ASAP1: variants seen among roughly 807,000 people sequenced by gnomAD.
The protein encoded by ASAP1 is arf-GAP with SH3 domain, ANK repeat and PH domain-containing protein 1.
In ASAP1, 43 loss-of-function variants were observed where a neutral mutation model predicts 145.2. The observed-to-expected ratio is 0.30, with a 90% CI of 0.23 to 0.38. The LOEUF is 0.38. Ranked by LOEUF, ASAP1 falls within the 10% of genes least tolerant of loss-of-function variation. The probability of loss-of-function intolerance (pLI) is 1.00; values close to 1 mark genes in which losing one functional copy is unlikely to be tolerated. For missense variants in ASAP1, 1,018 were observed against 1,355.3 expected, an observed-to-expected ratio of 0.75 and a Z score of 3.91; for synonymous variants, 546 against 515.5, an observed-to-expected ratio of 1.06 and a Z score of -0.80.
chr8:130,339,746 G>A (rs1047608206), intron 3 of ASAP1, among the ~76,000 whole-genome samples: 3 of 152,230 alleles, frequency 2.0e-5, no homozygotes, highest in Admixed American at 6.5e-5. Flanking sequence ...GGCAGTGGCT[G>A]TAAACTCAGG....
At chr8:130,085,752 A>AAAAAAAGG (rs1198550137) in intron 25 of ASAP1, among the ~76,000 whole-genome samples, 1 of 151,712 alleles carries the variant, frequency 6.6e-6, no homozygotes, top group African/African-American at 2.4e-5. Context: ...AAAAAAAAAA[A>AAAAAAAGG]AAAGGAAAGA....
rs71302392 is a variant in ASAP1, at chr8:130,095,294, AT to A, written c.2402-3152del. Among the ~76,000 whole-genome samples the A allele has an allele frequency of 9.7e-3, 923 of 95,644 alleles. 8 individuals carry two copies. Among genetic ancestry groups the A allele is most frequent in the African/African-American group, 0.026 (607 of 23,224 alleles). The allele number at this position is 95,644 out of a possible 152,430, so 62.7% of individuals were successfully genotyped here. ...CTACTTCTATCTTTTTAGGCCAGTG[AT>A]TTTTTTTTTTTTTTTTTTTTTTTGA... On this transcript the variant is annotated intron_variant, in intron 24 of 29. Transcript: ENST00000518721.
intron 1 of ASAP1, among the ~76,000 whole-genome samples, chr8:130,404,837 C>T (rs1454353956): frequency 6.6e-6 from 1 of 152,094 alleles, no homozygotes; most frequent in African/African-American, 2.4e-5. Flanking sequence ...TGTGCTGTTC[C>T]CAAGTCTATT....
intron 23 of ASAP1, 154 bp from the exon 24 acceptor site, chr8:130,112,476 C>T (rs759029898): frequency 4.9e-6 from 3 of 610,752 alleles, no homozygotes; most frequent in East Asian, 2.8e-5. Context: ...GATGCTGACA[C>T]AGTACAAGGG....
At chr8:130,084,629 G>A (rs2097488809) in intron 25 of ASAP1, 1 of 152,154 alleles carries the variant, frequency 6.6e-6, no homozygotes, top group Non-Finnish European at 1.5e-5. Context: ...TACAGGCCTT[G>A]GAGTTGGAAA....
chr8:130,275,366 A>G (rs541544441), intron 3 of ASAP1, among the ~76,000 whole-genome samples: 1 of 152,358 alleles, frequency 6.6e-6, no homozygotes, highest in Admixed American at 6.5e-5. Context: ...GATTCCTGGA[A>G]GGCAGTAATA....
chr8:130,087,180 C>T (rs1046770287), intron 25 of ASAP1, among the ~76,000 whole-genome samples: 3 of 152,116 alleles, frequency 2.0e-5, no homozygotes, highest in Non-Finnish European at 4.4e-5. Flanking sequence ...GCCCCTGAGA[C>T]CAGAAACACA....
chr8:130,054,944 A>G, intron 29 of ASAP1, 139 bp from the exon 30 acceptor site: 1 of 691,742 alleles, frequency 1.4e-6, no homozygotes, highest in South Asian at 1.5e-5. Flanking sequence ...CCCACCCTTT[A>G]GTGAACTACA....
At chr8:130,070,358 T>C (rs757176003) in intron 27 of ASAP1, among the ~76,000 whole-genome samples, 3 of 152,194 alleles carry the variant, frequency 2.0e-5, no homozygotes, top group African/African-American at 4.8e-5. Flanking sequence ...TTTTATTTGA[T>C]TGTATCATGG....
intron 1 of ASAP1, among the ~76,000 whole-genome samples, chr8:130,431,847 C>T (rs745562483): frequency 8.8e-6 from 1 of 113,000 alleles, no homozygotes; most frequent in Admixed American, 1.2e-4. Flanking sequence ...AGGAAGAAGA[C>T]GAGGAAAGGA....
chr8:130,265,407 C>T (rs1456391469), intron 3 of ASAP1, among the ~76,000 whole-genome samples: 3 of 151,092 alleles, frequency 2.0e-5, no homozygotes, highest in African/African-American at 4.9e-5. Flanking sequence ...CTCATCTCAA[C>T]TAAAATTTTT....
rs56996962 is a variant in ASAP1 at position 130,121,784 on chromosome 8, C to CAAAAAAAAAAAAAAA, written c.1607+2214_1607+2228dup. Among the ~76,000 whole-genome samples, 8 of 25,410 alleles carry CAAAAAAAAAAAAAAA rather than the reference C, an allele frequency of 3.1e-4. 2 individuals carry two copies. The highest frequency in any genetic ancestry group is 3.5e-4 in the African/African-American group (4 of 11,412). 16.7% of individuals were successfully genotyped at this position (25,410 alleles called of 152,430 possible). On this transcript the variant is annotated intron_variant, in intron 18 of 29. Coordinates refer to ENST00000518721, the MANE Select transcript of ASAP1 (RefSeq NM_018482.4). ...AGGCTATGAGAGTGAAATTCCATCT[C>CAAAAAAAAAAAAAAA]AAAAAAAAAAAAAAAAAAAAAAAAA...
intron 3 of ASAP1, among the ~76,000 whole-genome samples, chr8:130,286,688 T>C (rs1354643347): frequency 2.6e-5 from 4 of 152,150 alleles, no homozygotes; most frequent in Non-Finnish European, 5.9e-5. Flanking sequence ...CATCATCATC[T>C]TCATGCTCAT....
chr8:130,358,789 C>T lies in ASAP1; in HGVS notation c.60-646G>A, dbSNP rs906943852. ...CTCGCGCACAGCCCCTGGGGCCTGG[C>T]TCCGAAGCTGCCGCTCCCGACCCCG... On this transcript the variant is annotated intron_variant, in intron 2 of 29. Coordinates refer to ENST00000518721, the MANE Select transcript of ASAP1 (RefSeq NM_018482.4). The surrounding 1 kb of genome is among the most constrained non-coding windows in gnomAD (Gnocchi z 4.1). Among the ~76,000 whole-genome samples, 14 of 147,760 alleles carry T rather than the reference C, an allele frequency of 9.5e-5. No individual in the cohort carries two copies. Among genetic ancestry groups the T allele is most frequent in the Admixed American group, 6.7e-4 (10 of 14,910 alleles).
At chr8:130,228,519 G>A (rs1413290284) in intron 4 of ASAP1, among the ~76,000 whole-genome samples, 8 of 151,750 alleles carry the variant, frequency 5.3e-5, no homozygotes, top group East Asian at 1.9e-4. Context: ...TGGGAAACAC[G>A]GCAAAACCAC....
chr8:130,360,626 T>C (rs1339658410), intron 2 of ASAP1: 3 of 152,212 alleles, frequency 2.0e-5, no homozygotes, highest in Admixed American at 1.3e-4. Context: ...CAAAGGGAAG[T>C]TGAGAAGTCA....
chr8:130,407,579 G>A lies in ASAP1; in HGVS notation c.-27-5609C>T, dbSNP rs553472984. 3.9e-5 allele frequency among the ~76,000 whole-genome samples: 6 copies of A among 152,288 alleles called. No homozygotes were observed. In the East Asian group the frequency reaches 7.7e-4, roughly 20 times the overall value. On this transcript the variant is annotated intron_variant, in intron 1 of 29. Transcript: ENST00000518721. ...CCTCTCATTTCCCGCTGCCACCAGC[G>A]ACAGAAAGATTTAAAGCACCTGCCT...
chr8:130,064,428 T>C (rs2097425920), intron 27 of ASAP1, among the ~76,000 whole-genome samples: 1 of 152,134 alleles, frequency 6.6e-6, no homozygotes, highest in African/African-American at 2.4e-5. Flanking sequence ...ACACTGCCTT[T>C]AACAGACGGG....
At chr8:130,400,032 C>T (rs1234934932) in intron 2 of ASAP1, among the ~76,000 whole-genome samples, 1 of 152,140 alleles carries the variant, frequency 6.6e-6, no homozygotes, top group Non-Finnish European at 1.5e-5. Context: ...GTTGCTTAGG[C>T]TGGTCTCGAA....
Sources: gnomAD v4.1 joint callset for allele counts (sites outside exome capture counted in the v4.1 genomes callset) on GRCh38, gnomAD v4.1.1 for gene constraint, Gnocchi (gnomAD v3.1) non-coding constraint, MANE v1.5 for transcripts, NCBI Gene and HGNC (gene_info 2026-07-23, HGNC 2026-07-21) for gene names.